The following SLC22A9 variants were observed in gnomAD, a reference collection of about 807,000 sequenced individuals.
The protein encoded by SLC22A9 is solute carrier family 22 member 9.
Under a neutral mutation model 50.1 loss-of-function variants are expected in SLC22A9, and 64 were observed. The observed-to-expected ratio is 1.28, with a 90% CI of 1.04 to 1.57. SLC22A9 has a LOEUF of 1.57. SLC22A9 is among the 40% of genes most tolerant of loss of function. The probability of loss-of-function intolerance (pLI) is 0.00; values close to 1 mark genes in which losing one functional copy is unlikely to be tolerated. For synonymous variants in SLC22A9, 261 were observed against 242.5 expected (o/e 1.08, Z -0.71); for missense variants, 757 against 676.1 (o/e 1.12, Z -1.33).
chr11:63,373,628 T>C lies in SLC22A9; in HGVS notation c.507-16T>C. 1 of 1,522,760 alleles carries C rather than the reference T, an allele frequency of 6.6e-7. No homozygotes were observed. Among genetic ancestry groups the C allele is most frequent in the East Asian group, 2.3e-5 (1 of 42,922 alleles). 94.3% of individuals were successfully genotyped at this position (1,522,760 alleles called of 1,614,324 possible). A position where few individuals can be genotyped will look rare whatever the true frequency, so the allele number is the denominator to read the frequency against. On this transcript the variant is annotated splice_polypyrimidine_tract_variant and intron_variant, in intron 2 of 9. Transcript: ENST00000279178. ...TTGTTATTGTTCCCATTATCTAACC[T>C]GTTTCTGTTTCTCAGGTTTGGGAGA...
intron 6 of SLC22A9, among the ~76,000 whole-genome samples, chr11:63,399,387 G>A (rs139519309): frequency 1.2e-4 from 18 of 152,224 alleles, no homozygotes; most frequent in African/African-American, 3.9e-4. Context: ...GGGCAAAAAA[G>A]AGCAGGAGCT....
intron 6 of SLC22A9, among the ~76,000 whole-genome samples, chr11:63,402,696 T>C (rs2014971597): frequency 6.6e-6 from 1 of 152,062 alleles, no homozygotes; most frequent in South Asian, 2.1e-4. Flanking sequence ...AATGTAAAAT[T>C]ATGTTTTAAA....
chr11:63,401,926 T>A (rs374790462), intron 6 of SLC22A9, among the ~76,000 whole-genome samples: 47 of 152,276 alleles, frequency 3.1e-4, no homozygotes, highest in African/African-American at 1.0e-3. Flanking sequence ...TGTCAGTTCA[T>A]GTCCTTTGCC....
chr11:63,373,074 C>G (rs970514460), intron 2 of SLC22A9, among the ~76,000 whole-genome samples: 3 of 151,974 alleles, frequency 2.0e-5, no homozygotes, highest in Non-Finnish European at 2.9e-5. Flanking sequence ...AGAGAGGACT[C>G]CTTTCCCAGA....
At chr11:63,390,850 C>T (rs971718971) in intron 6 of SLC22A9, among the ~76,000 whole-genome samples, 10 of 151,928 alleles carry the variant, frequency 6.6e-5, no homozygotes, top group South Asian at 2.1e-4. Context: ...TATTTATTTT[C>T]TTCTGCTGAT....
At chr11:63,406,145 T>G (rs910088150) in intron 6 of SLC22A9, among the ~76,000 whole-genome samples, 1 of 152,140 alleles carries the variant, frequency 6.6e-6, no homozygotes, top group African/African-American at 2.4e-5. Flanking sequence ...GTAGGTAGTA[T>G]TATACTTTTG....
intron 6 of SLC22A9, among the ~76,000 whole-genome samples, chr11:63,404,845 G>C (rs1001005930): frequency 3.3e-5 from 5 of 152,138 alleles, no homozygotes; most frequent in African/African-American, 1.2e-4. Flanking sequence ...TCTCACTGCA[G>C]TCCTAGGGAA....
rs1684574490 is a variant in SLC22A9, at chr11:63,406,445, G to GA, written c.1074-51dup. The GA allele has an allele frequency of 3.3e-6, 5 of 1,509,400 alleles. 1 individual carries two copies. The South Asian group carries it at 4.6e-5, about 14-fold the overall frequency. The allele number at this position is 1,509,400 out of a possible 1,614,324, so 93.5% of individuals were successfully genotyped here. A position where few individuals can be genotyped will look rare whatever the true frequency, so the allele number is the denominator to read the frequency against. On this transcript the variant is annotated intron_variant, in intron 6 of 9. Transcript: ENST00000279178. ...GGGCCAATATTATTCTCATTTGTAG[G>GA]ATGTAGGCTCCACAGATTATAATAT...
Position 63,409,956 on chromosome 11 carries a change from C to A in SLC22A9, c.*94C>A, listed in dbSNP as rs530997690. 1.4e-6 allele frequency: 2 copies of A among 1,439,700 alleles called. No homozygotes were observed. The highest frequency in any genetic ancestry group is 1.9e-6 in the Non-Finnish European group (2 of 1,034,242). The allele number at this position is 1,439,700 out of a possible 1,614,324, so 89.2% of individuals were successfully genotyped here. ...CTAGCAAAATCTAGAAAATAAATAA[C>A]AAGGCTGGGTGCGGTGGCTCACGCC... On this transcript the variant is annotated 3_prime_UTR_variant, in exon 10 of 10. Coordinates refer to ENST00000279178, the MANE Select transcript of SLC22A9 (RefSeq NM_080866.3).
At chr11:63,394,035 A>C (rs1247872160) in intron 6 of SLC22A9, among the ~76,000 whole-genome samples, 1 of 151,880 alleles carries the variant, frequency 6.6e-6, no homozygotes, top group Non-Finnish European at 1.5e-5. Flanking sequence ...GCTTTATTTC[A>C]TTAAGTTGAT....
chr11:63,385,056 T>A (rs1030507507), intron 6 of SLC22A9, among the ~76,000 whole-genome samples: 1 of 82,308 alleles, frequency 1.2e-5, no homozygotes, highest in Admixed American at 1.1e-4. Context: ...ATGGATAGGA[T>A]GCAAAAATTT....
intron 5 of SLC22A9, 77 bp from the exon 6 acceptor site, chr11:63,382,082 G>C: frequency 1.0e-6 from 1 of 995,110 alleles, no homozygotes; most frequent in Non-Finnish European, 1.5e-6. Flanking sequence ...CTTCTCATCT[G>C]TGGGTTGACC....
chr11:63,396,496 G>A (rs1264348558), intron 6 of SLC22A9, among the ~76,000 whole-genome samples: 1 of 152,150 alleles, frequency 6.6e-6, no homozygotes, highest in African/African-American at 2.4e-5. Flanking sequence ...AGGGGTGGAG[G>A]ATCTCTCTTT....
rs571884613 is a variant in SLC22A9, at chr11:63,397,570, G to T, written c.1074-8927G>T. Among the ~76,000 whole-genome samples the T allele has an allele frequency of 2.0e-5, 3 of 152,222 alleles. No individual in the cohort carries two copies. In the South Asian group the frequency reaches 6.2e-4, roughly 32 times the overall value. ...TCTATCTGGTGTTTTATTCTACTGTGGCTGAGCTGGCACCCAAGGCACAAA... is the reference window on the plus strand; with the variant it reads ...TCTATCTGGTGTTTTATTCTACTGTTGCTGAGCTGGCACCCAAGGCACAAA... On this transcript the variant is annotated intron_variant, in intron 6 of 9. Coordinates refer to ENST00000279178, the MANE Select transcript of SLC22A9 (RefSeq NM_080866.3).
chr11:63,381,873 C>A (rs890785729), intron 5 of SLC22A9, among the ~76,000 whole-genome samples: 3 of 152,120 alleles, frequency 2.0e-5, no homozygotes, highest in Admixed American at 6.5e-5. Flanking sequence ...TATTCGGTCC[C>A]CATCATGGTC....
chr11:63,373,123 C>CTTTTTTTTTTTTTT (rs745704793), intron 2 of SLC22A9, among the ~76,000 whole-genome samples: 1 of 131,834 alleles, frequency 7.6e-6, no homozygotes. Context: ...CTTTTTTTTC[C>CTTTTTTTTTTTTTT]TTTTTTTTTT....
At chr11:63,372,300 A>G (rs2014374490) in intron 2 of SLC22A9, among the ~76,000 whole-genome samples, 1 of 149,114 alleles carries the variant, frequency 6.7e-6, no homozygotes, top group African/African-American at 2.5e-5. Context: ...AACTCACTCA[A>G]CTGTTTATGA....
intron 6 of SLC22A9, among the ~76,000 whole-genome samples, chr11:63,393,801 C>T (rs184784771): frequency 6.6e-6 from 1 of 152,084 alleles, no homozygotes; most frequent in Non-Finnish European, 1.5e-5. Flanking sequence ...TGAGGAGTGT[C>T]TTTGTGGTGT....
intron 7 of SLC22A9, 89 bp from the exon 8 acceptor site, chr11:63,408,023 C>T: frequency 9.6e-7 from 1 of 1,046,270 alleles, no homozygotes; most frequent in Non-Finnish European, 1.4e-6. Context: ...TTGCAAACAC[C>T]TCCAATACAG....
Sources: allele counts gnomAD v4.1 joint callset (sites outside exome capture counted in the v4.1 genomes callset), GRCh38; gene constraint gnomAD v4.1.1; transcripts MANE v1.5; gene names NCBI Gene and HGNC (gene_info 2026-07-23, HGNC 2026-07-21).